THSD7A: variants seen among roughly 807,000 people sequenced by gnomAD.
THSD7A encodes the protein thrombospondin type-1 domain-containing protein 7A.
In THSD7A, 96 loss-of-function variants were observed where a neutral mutation model predicts 231.3. That is an observed-to-expected ratio of 0.41 (90% CI 0.35 to 0.49). THSD7A has a LOEUF of 0.49. THSD7A is among the 20% of genes least tolerant of loss of function. The pLI, the probability that THSD7A is intolerant of heterozygous loss-of-function variation, is 0.05. For missense variants in THSD7A, 2,290 were observed against 2,070.2 expected (o/e 1.11, Z -2.06); for synonymous variants, 940 against 743.3 (o/e 1.26, Z -4.30).
At chr7:11,648,637 CGTGTGTGTGTGTGTGT>C (rs3031455) in intron 1 of THSD7A, among the ~76,000 whole-genome samples, 3 of 141,060 alleles carry the variant, frequency 2.1e-5, no homozygotes, top group African/African-American at 7.9e-5. Context: ...TATTTTGTGG[CGTGTGTGTGTGTGTGT>C]GTGTGTGTGT....
intron 1 of THSD7A, among the ~76,000 whole-genome samples, chr7:11,643,569 A>G (rs151005999): frequency 6.7e-6 from 1 of 148,466 alleles, no homozygotes; most frequent in African/African-American, 2.5e-5. Context: ...ATGTGCTATA[A>G]TTCCATTTCA....
rs552042952 is a variant in THSD7A at position 11,688,254 on chromosome 7, G to GC, written c.191-51294dup. On this transcript the variant is annotated intron_variant, in intron 1 of 27. Coordinates refer to ENST00000423059, the MANE Select transcript of THSD7A (RefSeq NM_015204.3). ...CATCAACTCATCATTTTTTATGGCT[G>GC]CATAGTATTCCATGGTGTATATATG... Among the ~76,000 whole-genome samples the GC allele has an allele frequency of 1.0e-3, 158 of 151,898 alleles. 1 individual carries two copies. In the East Asian group the frequency reaches 0.028, roughly 27 times the overall value.
intron 1 of THSD7A, among the ~76,000 whole-genome samples, chr7:11,639,861 A>G (rs1782014441): frequency 6.6e-6 from 1 of 152,170 alleles, no homozygotes; most frequent in African/African-American, 2.4e-5. Flanking sequence ...ACTATGCTAC[A>G]CTAGTCAACT....
intron 2 of THSD7A, among the ~76,000 whole-genome samples, chr7:11,619,023 A>G (rs1781215726): frequency 6.6e-6 from 1 of 152,232 alleles, no homozygotes; most frequent in African/African-American, 2.4e-5. Context: ...TAATTAAAAA[A>G]GTCTATTTCC....
chr7:11,524,655 G>A (rs1037573215), intron 6 of THSD7A, among the ~76,000 whole-genome samples: 14 of 152,126 alleles, frequency 9.2e-5, no homozygotes, highest in Non-Finnish European at 7.4e-5. Context: ...GCTTTCCAGG[G>A]TGCTTTGAAT....
rs73066774 is a variant in THSD7A, at chr7:11,375,711, C to G, written c.*83G>C. 9.0e-6 allele frequency: 10 copies of G among 1,105,206 alleles called. No individual in the cohort carries two copies. Among genetic ancestry groups the G allele is most frequent in the Middle Eastern group, 2.0e-4 (1 of 4,978 alleles). The allele number at this position is 1,105,206 out of a possible 1,614,324, so 68.5% of individuals were successfully genotyped here. ...AAATTAAAATATATTTTAATCCACACAGTTTGGATACATTTGTTGTGGCCT... is the reference window on the plus strand; with the variant it reads ...AAATTAAAATATATTTTAATCCACAGAGTTTGGATACATTTGTTGTGGCCT... On this transcript the variant is annotated 3_prime_UTR_variant, in exon 28 of 28. Coordinates refer to ENST00000423059, the MANE Select transcript of THSD7A (RefSeq NM_015204.3).
chr7:11,505,264 C>T (rs372637920), intron 6 of THSD7A, among the ~76,000 whole-genome samples: 4 of 152,198 alleles, frequency 2.6e-5, no homozygotes, highest in African/African-American at 4.8e-5. Flanking sequence ...TTTCATTAAT[C>T]GTCCAAATTC....
intron 1 of THSD7A, among the ~76,000 whole-genome samples, chr7:11,759,007 GCCC>G (rs1782773943): frequency 1.3e-5 from 2 of 151,944 alleles, no homozygotes; most frequent in Admixed American, 6.6e-5. Context: ...GCTTTAAATT[GCCC>G]CTTCTGGTAA....
chr7:11,587,608 A>C lies in THSD7A; in HGVS notation c.1453+2852T>G, dbSNP rs1358272386. 2.0e-5 allele frequency among the ~76,000 whole-genome samples: 3 copies of C among 152,330 alleles called. No individual in the cohort carries two copies. In the South Asian group the frequency reaches 6.2e-4, roughly 32 times the overall value. On this transcript the variant is annotated intron_variant, in intron 4 of 27. Transcript: ENST00000423059. ...TACTAAATTGTGAATATTTTACTAA[A>C]GACCTTGTGAGTACTTTAATAAGAT...
At chr7:11,539,741 G>A (rs1228029155) in intron 6 of THSD7A, among the ~76,000 whole-genome samples, 3 of 152,158 alleles carry the variant, frequency 2.0e-5, no homozygotes, top group African/African-American at 7.2e-5. Flanking sequence ...CAAATACCAG[G>A]AAGATCATTG....
At chr7:11,724,492 A>G (rs1013488488) in intron 1 of THSD7A, among the ~76,000 whole-genome samples, 2 of 151,872 alleles carry the variant, frequency 1.3e-5, no homozygotes, top group Non-Finnish European at 2.9e-5. Context: ...GTGGATCAAG[A>G]CCTAGGCAAA....
chr7:11,561,617 T>C (rs926697472), intron 4 of THSD7A, among the ~76,000 whole-genome samples: 5 of 152,182 alleles, frequency 3.3e-5, no homozygotes, highest in African/African-American at 1.2e-4. Flanking sequence ...AGACCTGTAA[T>C]CCCAACAACT....
chr7:11,471,399 C>T (rs561271904), intron 8 of THSD7A, among the ~76,000 whole-genome samples: 242 of 151,990 alleles, frequency 1.6e-3, no homozygotes, highest in African/African-American at 4.8e-3. Flanking sequence ...AAGTGAACTA[C>T]GAGTGAAAAA....
chr7:11,790,468 G>A (rs1783918769), intron 1 of THSD7A, among the ~76,000 whole-genome samples: 1 of 151,906 alleles, frequency 6.6e-6, no homozygotes, highest in South Asian at 2.1e-4. Flanking sequence ...TTCATTAAAT[G>A]TTTTAGCACA....
chr7:11,535,721 A>G (rs1788888516), intron 6 of THSD7A, among the ~76,000 whole-genome samples: 1 of 152,286 alleles, frequency 6.6e-6, no homozygotes, highest in South Asian at 2.1e-4. Context: ...TTTTTTCTAC[A>G]TAATGGCCTT....
intron 6 of THSD7A, among the ~76,000 whole-genome samples, chr7:11,515,641 T>G (rs1788000606): frequency 6.6e-6 from 1 of 152,128 alleles, no homozygotes; most frequent in Non-Finnish European, 1.5e-5. Flanking sequence ...ACAGAGATCT[T>G]TTATATATAT....
At chr7:11,572,526 G>C (rs924714797) in intron 4 of THSD7A, among the ~76,000 whole-genome samples, 3 of 151,732 alleles carry the variant, frequency 2.0e-5, no homozygotes, top group Non-Finnish European at 2.9e-5. Context: ...TTTCTTTTTG[G>C]GGGGACAGGG....
chr7:11,700,882 GAACT>G (rs1019204892), intron 1 of THSD7A, among the ~76,000 whole-genome samples: 3 of 151,044 alleles, frequency 2.0e-5, no homozygotes, highest in African/African-American at 7.3e-5. Flanking sequence ...TAATTTTAAA[GAACT>G]ATCTGTATTT....
intron 14 of THSD7A, 40 bp downstream of exon 14, chr7:11,428,907 A>G: frequency 6.5e-7 from 1 of 1,550,250 alleles, no homozygotes; most frequent in Non-Finnish European, 8.7e-7. Flanking sequence ...ATCATTGTGA[A>G]TCTCAACAAT....
Sources: gnomAD v4.1 joint callset for allele counts (sites outside exome capture counted in the v4.1 genomes callset) on GRCh38, gnomAD v4.1.1 for gene constraint, MANE v1.5 for transcripts, NCBI Gene and HGNC (gene_info 2026-07-23, HGNC 2026-07-21) for gene names.